Variants in ERI1 observed in about 807,000 individuals in gnomAD.
ERI1 encodes the protein exoribonuclease 1, also known as 3'-5' exoribonuclease 1.
A neutral mutation model predicts 39.7 loss-of-function variants in ERI1; 39 were observed. The observed-to-expected ratio is 0.98, with a 90% confidence interval of 0.76 to 1.28. ERI1 has a LOEUF of 1.28. ERI1 is among the 50% of genes most tolerant of loss of function. The pLI is 0.00. For missense variants in ERI1, 581 were observed against 416.9 expected, an observed-to-expected ratio of 1.39 and a Z score of -3.43; for synonymous variants, 204 against 149.6, an observed-to-expected ratio of 1.36 and a Z score of -2.65.
At chr8:9,022,437 G>C (rs1020616552) in intron 6 of ERI1, among the ~76,000 whole-genome samples, 2 of 152,118 alleles carry the variant, frequency 1.3e-5, no homozygotes, top group Non-Finnish European at 2.9e-5. Flanking sequence ...GTCTCATTCT[G>C]TTGCCCAGGT....
At chr8:9,042,940 A>G (rs1190217199) in intron 3 of ERI1, among the ~76,000 whole-genome samples, 1 of 152,198 alleles carries the variant, frequency 6.6e-6, no homozygotes, top group Non-Finnish European at 1.5e-5. Flanking sequence ...GCAGTGCCGT[A>G]TGTCCCCCGG....
intron 3 of ERI1, among the ~76,000 whole-genome samples, chr8:9,064,954 C>T (rs7387360): frequency 0.39 from 59,787 of 151,838 alleles, 14,037 homozygotes; most frequent in East Asian, 0.7. Context: ...AAGGAAAAAG[C>T]GGGGTTGTTC....
chr8:9,017,540 T>C (rs551954107), intron 4 of ERI1, among the ~76,000 whole-genome samples: 2 of 152,308 alleles, frequency 1.3e-5, no homozygotes, highest in Admixed American at 6.5e-5. Context: ...CAGTGTTTTA[T>C]TGCGGTGTTG....
intron 3 of ERI1, among the ~76,000 whole-genome samples, chr8:9,064,075 T>C (rs1237983322): frequency 6.7e-6 from 1 of 150,004 alleles, no homozygotes; most frequent in Non-Finnish European, 1.5e-5. Context: ...GATAAGAGGT[T>C]GGAGTGTGGA....
At chr8:9,023,220 A>G (rs969702851) in intron 6 of ERI1, among the ~76,000 whole-genome samples, 3 of 152,022 alleles carry the variant, frequency 2.0e-5, no homozygotes, top group African/African-American at 7.2e-5. Flanking sequence ...TTCTTTTAAG[A>G]AACTGAGTCA....
At chr8:9,021,825 G>A (rs1585216195) in intron 6 of ERI1, among the ~76,000 whole-genome samples, 1 of 121,422 alleles carries the variant, frequency 8.2e-6, no homozygotes, top group South Asian at 2.7e-4. Context: ...CGTCTTGTAT[G>A]TCACTGCAGT....
At chr8:9,020,541 A>G (rs775590221) in intron 6 of ERI1, 77 bp downstream of exon 6, 4 of 876,844 alleles carry the variant, frequency 4.6e-6, no homozygotes, top group African/African-American at 1.8e-5. Flanking sequence ...TTAGATTGTA[A>G]TTTTCCAGGT....
At chr8:9,036,274 G>A (rs1161545848), downstream of ERI1, among the ~76,000 whole-genome samples, 1 of 152,182 alleles carries the variant, frequency 6.6e-6, no homozygotes, top group Non-Finnish European at 1.5e-5. Context: ...GAAATCTTTT[G>A]TGAAAGCACA....
chr8:9,064,921 G>C (rs1798827328), intron 3 of ERI1, among the ~76,000 whole-genome samples: 1 of 152,156 alleles, frequency 6.6e-6, no homozygotes, highest in Admixed American at 6.5e-5. Context: ...GGGTGGGGCT[G>C]TTTTATAGGA....
intron 3 of ERI1, among the ~76,000 whole-genome samples, chr8:9,059,411 C>T (rs992807207): frequency 6.6e-6 from 1 of 150,978 alleles, no homozygotes; most frequent in Non-Finnish European, 1.5e-5. Flanking sequence ...AGATAACGGG[C>T]GATGTTTCTC....
intron 3 of ERI1, among the ~76,000 whole-genome samples, chr8:9,073,844 A>G (rs1223334262): frequency 2.0e-5 from 3 of 152,198 alleles, no homozygotes; most frequent in Non-Finnish European, 4.4e-5. Context: ...AGGGTCTTTT[A>G]CTTATTCACA....
At chr8:9,059,706 T>G (rs1798628717) in intron 3 of ERI1, among the ~76,000 whole-genome samples, 2 of 152,078 alleles carry the variant, frequency 1.3e-5, no homozygotes, top group Non-Finnish European at 1.5e-5. Flanking sequence ...CAGCAAAGAT[T>G]ATTTATTTAC....
chr8:9,016,014 C>A (rs1201040303), intron 3 of ERI1, among the ~76,000 whole-genome samples: 1 of 151,900 alleles, frequency 6.6e-6, no homozygotes, highest in Non-Finnish European at 1.5e-5. Context: ...CATTAATGCG[C>A]TTTATAGTTT....
At chr8:9,039,307 G>C (rs927913559) in intron 3 of ERI1, among the ~76,000 whole-genome samples, 1 of 152,148 alleles carries the variant, frequency 6.6e-6, no homozygotes, top group Non-Finnish European at 1.5e-5. Context: ...AAACCTTGGA[G>C]CTACAGATTT....
At chr8:9,015,486 G>C (rs1430989026) in intron 3 of ERI1, among the ~76,000 whole-genome samples, 1 of 151,966 alleles carries the variant, frequency 6.6e-6, no homozygotes, top group Non-Finnish European at 1.5e-5. Context: ...ACAGAGTTGT[G>C]AGCATAAAAT....
At chr8:9,003,344 A>C (rs1249438233) in intron 1 of ERI1, among the ~76,000 whole-genome samples, 173 bp downstream of exon 1, 1 of 152,158 alleles carries the variant, frequency 6.6e-6, no homozygotes, top group Admixed American at 6.5e-5. Flanking sequence ...GGTGTCTTGG[A>C]GCCCCCTCAG....
chr8:9,041,317 G>A (rs1798009783), intron 3 of ERI1, among the ~76,000 whole-genome samples: 1 of 152,256 alleles, frequency 6.6e-6, no homozygotes, highest in South Asian at 2.1e-4. Context: ...TCTCCCAAGA[G>A]AGAATACAAG....
In ERI1 at chr8:9,011,739, A is replaced by T. The variant is rs762870541; in HGVS notation, c.485A>T (p.His162Leu). Residue 162 changes from histidine to leucine, a missense_variant, in exon 3 of 7, where the codon CAT becomes CTT. Transcript: ENST00000250263. ...IEFPVVLLNT[H>L]TLEIEDTFQQ... The stretch of plus-strand genomic sequence containing the variant: ...TTTCCGGTTGTTTTACTGAATACGC[A>T]TACTTTAGAAATAGTAAGTGAATTT... The T allele has an allele frequency of 3.1e-6, 5 of 1,601,312 alleles. No individual in the cohort carries two copies. Among genetic ancestry groups the T allele is most frequent in the South Asian group, 1.1e-5 (1 of 90,080 alleles).
At chr8:9,092,339 G>A (rs1238172042) in intron 3 of ERI1, among the ~76,000 whole-genome samples, 1 of 152,092 alleles carries the variant, frequency 6.6e-6, no homozygotes, top group Non-Finnish European at 1.5e-5. Context: ...GATTTGGAGG[G>A]GTGTTGGCTT....
Sources: allele counts gnomAD v4.1 joint callset (sites outside exome capture counted in the v4.1 genomes callset), GRCh38; gene constraint gnomAD v4.1.1; transcripts MANE v1.5; gene names NCBI Gene and HGNC (gene_info 2026-07-23, HGNC 2026-07-21).